STARD3NL: variants seen among roughly 807,000 people sequenced by gnomAD.
The protein encoded by STARD3NL is STARD3 N-terminal like.
Under a neutral mutation model 30.9 loss-of-function variants are expected in STARD3NL, and 17 were observed. That is an observed-to-expected ratio of 0.55 (90% CI 0.38 to 0.82). The LOEUF is 0.82. Ranked by LOEUF, STARD3NL falls within the 40% of genes least tolerant of loss-of-function variation. The pLI is 0.00. For synonymous variants in STARD3NL, 112 were observed against 100.5 expected (o/e 1.11, Z -0.69); for missense variants, 234 against 277.6 (o/e 0.84, Z 1.12).
intron 7 of STARD3NL, among the ~76,000 whole-genome samples, chr7:38,228,017 G>A (rs909296528): frequency 6.6e-6 from 1 of 151,796 alleles, no homozygotes; most frequent in Non-Finnish European, 1.5e-5. Context: ...ACATATATTT[G>A]GTTTTTAATT....
intron 4 of STARD3NL, chr7:38,215,999 A>C (rs776962596): frequency 6.6e-6 from 1 of 152,256 alleles, no homozygotes. Flanking sequence ...TTTCATGGAT[A>C]TAGGCTGACA....
chr7:38,182,737 C>G lies in STARD3NL; in HGVS notation c.-59+4317C>G, dbSNP rs1161897007. ...AATCCCTGACTCTGAGCTATTTAAG[C>G]CTGGAGGATCTTCCTGAACAGGCAT... On this transcript the variant is annotated intron_variant, in intron 1 of 8. Transcript: ENST00000009041. Among the ~76,000 whole-genome samples the G allele has an allele frequency of 3.9e-5, 6 of 152,278 alleles. No individual in the cohort carries two copies. In the South Asian group the frequency reaches 1.0e-3, roughly 26 times the overall value.
intron 6 of STARD3NL, among the ~76,000 whole-genome samples, chr7:38,219,295 C>T (rs1401235499): frequency 6.6e-6 from 1 of 152,174 alleles, no homozygotes; most frequent in African/African-American, 2.4e-5. Context: ...GATCCTCCAT[C>T]CTTGGCCTCC....
chr7:38,212,938 A>AG lies in STARD3NL; in HGVS notation c.226-1418dup, dbSNP rs538506584. 3.4e-3 allele frequency among the ~76,000 whole-genome samples: 515 copies of AG among 152,340 alleles called. 1 individual carries two copies. The highest frequency in any genetic ancestry group is 5.8e-3 in the Non-Finnish European group (392 of 68,032). On this transcript the variant is annotated intron_variant, in intron 2 of 8. Coordinates refer to ENST00000009041, the MANE Select transcript of STARD3NL (RefSeq NM_032016.4). ...GACAAAAATTTTGAAATGAGGATTTAGAGTATAAGTTAGGGATAGAGATAT... is the reference window on the plus strand; with the variant it reads ...GACAAAAATTTTGAAATGAGGATTTAGGAGTATAAGTTAGGGATAGAGATAT...
In STARD3NL at chr7:38,186,236, T is replaced by C. The variant is rs1465879925; in HGVS notation, c.-59+7816T>C. Among the ~76,000 whole-genome samples, 3 of 152,102 alleles carry C rather than the reference T, an allele frequency of 2.0e-5. No individual in the cohort carries two copies. In the East Asian group the frequency reaches 5.8e-4, roughly 29 times the overall value. ...CTGGTCTGCTGATGGTTGACAGAAC[T>C]AATGAGTCAAAATTGGCAAAAATAA... On this transcript the variant is annotated intron_variant, in intron 1 of 8. Coordinates refer to ENST00000009041, the MANE Select transcript of STARD3NL (RefSeq NM_032016.4).
At position 38,222,369 on chromosome 7, in the gene STARD3NL, A is replaced by C. The variant is rs116479229; in HGVS notation, c.649+2709A>C. Reference sequence around the variant, plus strand: ...ATGAAATACAGATATGGATTTGTAGAAAATCTGTTTCTAAAACAGTAAAAA... The same window carrying C: ...ATGAAATACAGATATGGATTTGTAGCAAATCTGTTTCTAAAACAGTAAAAA... On this transcript the variant is annotated intron_variant, in intron 7 of 8. Transcript: ENST00000009041. Among the ~76,000 whole-genome samples, 1,148 of 152,384 alleles carry C rather than the reference A, an allele frequency of 7.5e-3. 15 individuals carry two copies. The highest frequency in any genetic ancestry group is 0.026 in the African/African-American group (1,083 of 41,590).
At chr7:38,219,772 C>A in intron 7 of STARD3NL, 112 bp downstream of exon 7, 1 of 823,074 alleles carries the variant, frequency 1.2e-6, no homozygotes, top group Admixed American at 1.9e-5. Context: ...ATCTAACATG[C>A]CAGGCATTAG....
At position 38,206,561 on chromosome 7, in the gene STARD3NL, A is replaced by T. The variant is rs539932447; in HGVS notation, c.-58-886A>T. 3.7e-4 allele frequency among the ~76,000 whole-genome samples: 57 copies of T among 152,284 alleles called. No homozygotes were observed. The East Asian group carries it at 8.5e-3, about 23-fold the overall frequency. ...TGCCCTCTGGTCTTGAGGGGCCTGC[A>T]TCTCTGTATAGGACTATATCTTCTG... On this transcript the variant is annotated intron_variant, in intron 1 of 8. Coordinates refer to ENST00000009041, the MANE Select transcript of STARD3NL (RefSeq NM_032016.4).
chr7:38,184,619 GTATATGA>G (rs1784381308), intron 1 of STARD3NL, among the ~76,000 whole-genome samples: 1 of 146,418 alleles, frequency 6.8e-6, no homozygotes, highest in South Asian at 2.1e-4. Context: ...CCAATATATA[GTATATGA>G]TATATACTAT....
intron 1 of STARD3NL, among the ~76,000 whole-genome samples, chr7:38,191,182 T>C (rs1784672131): frequency 6.6e-6 from 1 of 152,174 alleles, no homozygotes; most frequent in Non-Finnish European, 1.5e-5. Context: ...ACACTGGGAG[T>C]TGCAAACCAC....
chr7:38,216,697 A>T (rs985471905), intron 4 of STARD3NL: 7 of 308,858 alleles, frequency 2.3e-5, no homozygotes, highest in Middle Eastern at 9.5e-4. Context: ...CTACCTATGC[A>T]CTTTACCAGT....
At chr7:38,205,670 C>G (rs1017610730) in intron 1 of STARD3NL, among the ~76,000 whole-genome samples, 1 of 151,878 alleles carries the variant, frequency 6.6e-6, no homozygotes, top group Non-Finnish European at 1.5e-5. Context: ...CATGTATATA[C>G]TATATAGCAT....
intron 7 of STARD3NL, among the ~76,000 whole-genome samples, chr7:38,226,678 C>T (rs1342593364): frequency 6.6e-6 from 1 of 152,240 alleles, no homozygotes; most frequent in Non-Finnish European, 1.5e-5. Context: ...ACAACACCAG[C>T]TGGGCATATG....
At chr7:38,215,157 T>A in intron 4 of STARD3NL, 52 bp downstream of exon 4, 1 of 1,549,334 alleles carries the variant, frequency 6.5e-7, no homozygotes, top group Non-Finnish European at 8.9e-7. Context: ...GGTGGCCAAG[T>A]CCTGCTCTCA....
In STARD3NL at chr7:38,219,651, T is replaced by A. The variant is rs746224484; in HGVS notation, c.640T>A (p.Ser214Thr). ...TGGTCAGTTTTATTCCCCTCCTGAATCCGAAGCAGGTAAAAAACTTGATTA... is the reference window on the plus strand; with the variant it reads ...TGGTCAGTTTTATTCCCCTCCTGAAACCGAAGCAGGTAAAAAACTTGATTA... ...SDGQFYSPPE[S>T]EAGSEEAEEK... is the part of the protein sequence containing the mutation. Residue 214 changes from serine to threonine, a missense_variant, in exon 7 of 9, where the codon TCC becomes ACC. Transcript: ENST00000009041. The A allele has an allele frequency of 6.2e-7, 1 of 1,612,068 alleles. No individual in the cohort carries two copies. Among genetic ancestry groups the A allele is most frequent in the Non-Finnish European group, 8.5e-7 (1 of 1,178,440 alleles).
At chr7:38,207,783 G>T in intron 2 of STARD3NL, 54 bp downstream of exon 2, 1 of 1,520,974 alleles carries the variant, frequency 6.6e-7, no homozygotes, top group Non-Finnish European at 9.0e-7. Flanking sequence ...GAGACAACAG[G>T]GTTTTTTTGT....
chr7:38,221,818 C>G (rs1408141606), intron 7 of STARD3NL, among the ~76,000 whole-genome samples: 1 of 152,196 alleles, frequency 6.6e-6, no homozygotes, highest in Non-Finnish European at 1.5e-5. Flanking sequence ...GTGTGCTGTT[C>G]ATAGCTCTTC....
chr7:38,226,871 C>T (rs886429435), intron 7 of STARD3NL, among the ~76,000 whole-genome samples: 4 of 152,238 alleles, frequency 2.6e-5, no homozygotes, highest in Non-Finnish European at 5.9e-5. Flanking sequence ...CTGCCTCACC[C>T]TAGCAGAACC....
intron 8 of STARD3NL, 105 bp downstream of exon 8, chr7:38,228,976 A>G: frequency 1.4e-6 from 1 of 710,936 alleles, no homozygotes; most frequent in Non-Finnish European, 2.2e-6. Context: ...AAGGATAGCC[A>G]GAGTTATCTT....
Sources: gnomAD v4.1 joint callset for allele counts (sites outside exome capture counted in the v4.1 genomes callset) on GRCh38, gnomAD v4.1.1 for gene constraint, MANE v1.5 for transcripts, NCBI Gene and HGNC (gene_info 2026-07-23, HGNC 2026-07-21) for gene names.